KMT5B: variants seen among roughly 807,000 people sequenced by gnomAD.
KMT5B encodes the protein lysine methyltransferase 5B.
A neutral mutation model predicts 83.2 loss-of-function variants in KMT5B; 10 were observed. That is an observed-to-expected ratio of 0.12 (90% CI 0.07 to 0.20). The LOEUF is 0.20. Among genes scored for constraint, KMT5B ranks in the 10% least tolerant of loss-of-function variants. The probability of loss-of-function intolerance (pLI) is 1.00; values close to 1 mark genes in which losing one functional copy is unlikely to be tolerated. For missense variants in KMT5B, 753 were observed against 1,067.2 expected (o/e 0.71, Z 4.10); for synonymous variants, 349 against 388.8 (o/e 0.90, Z 1.20).
chr11:68,201,337 T>C (rs1160731606), intron 1 of KMT5B, among the ~76,000 whole-genome samples: 2 of 152,218 alleles, frequency 1.3e-5, no homozygotes, highest in Non-Finnish European at 2.9e-5. Context: ...CTTTAACACA[T>C]TTCAAAAGAA....
intron 1 of KMT5B, among the ~76,000 whole-genome samples, chr11:68,208,592 G>C (rs1860474011): frequency 1.3e-5 from 2 of 152,204 alleles, no homozygotes; most frequent in South Asian, 4.1e-4. Context: ...TTATCAATCT[G>C]ATGCGAGCTG....
At chr11:68,207,795 A>G (rs1860331099) in intron 1 of KMT5B, among the ~76,000 whole-genome samples, 1 of 150,224 alleles carries the variant, frequency 6.7e-6, no homozygotes, top group Non-Finnish European at 1.5e-5. Flanking sequence ...CATCTCAAAA[A>G]AAAAAAAAAA....
At chr11:68,167,293 A>T (rs1000450729) in intron 9 of KMT5B, 115 bp from the exon 10 acceptor site, 2 of 1,294,644 alleles carry the variant, frequency 1.5e-6, no homozygotes, top group African/African-American at 3.0e-5. Context: ...CTGAGGCCTT[A>T]ATCACCACTG....
intron 1 of KMT5B, among the ~76,000 whole-genome samples, chr11:68,201,685 T>A (rs1440752529): frequency 6.6e-6 from 1 of 152,098 alleles, no homozygotes; most frequent in Non-Finnish European, 1.5e-5. Flanking sequence ...CCAGTTGACA[T>A]GCTGAACTTG....
intron 4 of KMT5B, 74 bp from the exon 5 acceptor site, chr11:68,175,257 G>T: frequency 8.2e-7 from 1 of 1,225,118 alleles, no homozygotes. Flanking sequence ...AACAGATCTT[G>T]AGAAAGAGCT....
chr11:68,175,586 A>T (rs1477273568), intron 4 of KMT5B, among the ~76,000 whole-genome samples: 1 of 152,234 alleles, frequency 6.6e-6, no homozygotes, highest in Non-Finnish European at 1.5e-5. Flanking sequence ...GCTCTAGAAT[A>T]CAGCACACCT....
At chr11:68,193,582 T>C (rs1270303057) in intron 1 of KMT5B, among the ~76,000 whole-genome samples, 1 of 152,194 alleles carries the variant, frequency 6.6e-6, no homozygotes, top group African/African-American at 2.4e-5. Context: ...TTTTTCTGGT[T>C]CCCTTACTAT....
intron 1 of KMT5B, among the ~76,000 whole-genome samples, chr11:68,200,132 C>T (rs1165909861): frequency 6.6e-6 from 1 of 152,054 alleles, no homozygotes; most frequent in Non-Finnish European, 1.5e-5. Context: ...TTTTTATCTT[C>T]AAATAAAATC....
At chr11:68,163,614 C>T (rs1590930690) in intron 10 of KMT5B, among the ~76,000 whole-genome samples, 1 of 152,194 alleles carries the variant, frequency 6.6e-6, no homozygotes, top group African/African-American at 2.4e-5. Context: ...TCAGCGTGAA[C>T]TAAGATAATA....
Position 68,158,348 on chromosome 11 carries a change from T to G in KMT5B, c.1998A>C (p.Thr666=), listed in dbSNP as rs370541174. Residue 666 remains threonine, a synonymous_variant, in exon 11 of 11, where the codon ACA becomes ACC. Coordinates refer to ENST00000304363, the MANE Select transcript of KMT5B (RefSeq NM_017635.5). ...AACCGACGGGTGAAGGAGCACAGTC[T>G]GTGTAGCTCACAGGCACGCCCACAG... ...SGTVGVPVSY[T]DCAPSPVGCS... is the part of the protein sequence containing the mutation. The G allele has an allele frequency of 1.2e-6, 2 of 1,614,192 alleles. No individual in the cohort carries two copies. The highest frequency in any genetic ancestry group is 1.3e-5 in the African/African-American group (1 of 75,052).
intron 1 of KMT5B, among the ~76,000 whole-genome samples, chr11:68,193,317 G>A (rs1858308150): frequency 6.6e-6 from 1 of 152,128 alleles, no homozygotes; most frequent in Non-Finnish European, 1.5e-5. Flanking sequence ...CAAACACATA[G>A]AAAAGTACAA....
chr11:68,178,602 T>C (rs1856605557), intron 4 of KMT5B, among the ~76,000 whole-genome samples: 1 of 152,108 alleles, frequency 6.6e-6, no homozygotes, highest in African/African-American at 2.4e-5. Context: ...GAAATGACAG[T>C]AAGGAAAAGG....
chr11:68,169,802 T>A (rs1855670173), intron 9 of KMT5B, among the ~76,000 whole-genome samples: 1 of 152,372 alleles, frequency 6.6e-6, no homozygotes, highest in South Asian at 2.1e-4. Context: ...TATTGAACTA[T>A]AATTAAACTA....
At position 68,185,468 on chromosome 11, in the gene KMT5B, A is replaced by G. The variant is rs565195315; in HGVS notation, c.308+313T>C. Among the ~76,000 whole-genome samples, 3 of 152,368 alleles carry G rather than the reference A, an allele frequency of 2.0e-5. No individual in the cohort carries two copies. The South Asian group carries it at 6.2e-4, about 32-fold the overall frequency. ...GGTGATCCACCCACCTTGGCCTCCC[A>G]AAGTGTGGGGATTACAGGCGTGAGC... On this transcript the variant is annotated intron_variant, in intron 3 of 10. Transcript: ENST00000304363.
At chr11:68,206,199 A>C (rs1860089010) in intron 1 of KMT5B, among the ~76,000 whole-genome samples, 1 of 152,192 alleles carries the variant, frequency 6.6e-6, no homozygotes, top group Non-Finnish European at 1.5e-5. Flanking sequence ...ATCTCTCCAC[A>C]TTTGATCCAT....
chr11:68,163,270 C>T (rs1200939024), intron 10 of KMT5B, among the ~76,000 whole-genome samples: 2 of 152,118 alleles, frequency 1.3e-5, no homozygotes, highest in Non-Finnish European at 2.9e-5. Context: ...CTAATGAACG[C>T]CGTTGGAAGG....
chr11:68,181,075 C>CTT (rs71461690), intron 3 of KMT5B, among the ~76,000 whole-genome samples: 4 of 143,684 alleles, frequency 2.8e-5, no homozygotes, highest in South Asian at 2.2e-4. Flanking sequence ...TTTCTTTTTT[C>CTT]TTTTTTTTTT....
At chr11:68,170,992 G>T in intron 9 of KMT5B, 23 bp downstream of exon 9, 2 of 1,564,734 alleles carry the variant, frequency 1.3e-6, no homozygotes, top group South Asian at 2.4e-5. Context: ...TGTTTAGGCT[G>T]AACATTTTAC....
At chr11:68,160,672 A>G (rs926224799) in intron 10 of KMT5B, among the ~76,000 whole-genome samples, 5 of 152,240 alleles carry the variant, frequency 3.3e-5, no homozygotes, top group Admixed American at 3.3e-4. Flanking sequence ...GAGAGGAGCA[A>G]GAATGCATCA....
Sources: gnomAD v4.1 joint callset for allele counts (sites outside exome capture counted in the v4.1 genomes callset) on GRCh38, gnomAD v4.1.1 for gene constraint, MANE v1.5 for transcripts, NCBI Gene and HGNC (gene_info 2026-07-23, HGNC 2026-07-21) for gene names.